ADK: variants seen among roughly 807,000 people sequenced by gnomAD.
The protein encoded by ADK is N6,N6-dimethyladenosine kinase.
Under a neutral mutation model 44.7 loss-of-function variants are expected in ADK, and 24 were observed. That is an observed-to-expected ratio of 0.54 (90% CI 0.39 to 0.76). The LOEUF is 0.76. Among genes scored for constraint, ADK ranks in the 30% least tolerant of loss-of-function variants. ADK has a pLI of 0.00. For synonymous variants in ADK, 128 were observed against 142.6 expected (o/e 0.90, Z 0.73); for missense variants, 321 against 425.1 (o/e 0.76, Z 2.15).
At position 74,628,309 on chromosome 10, in the gene ADK, A is replaced by G. The variant is rs1264580346; in HGVS notation, c.877+27816A>G. ...GTGATCATTTCTCCTCAGATGAGTC[A>G]TGCCAGTCACGATTCTTGGATGTTG... On this transcript the variant is annotated intron_variant, in intron 9 of 10. Transcript: ENST00000539909. Among the ~76,000 whole-genome samples the G allele has an allele frequency of 3.3e-5, 5 of 152,224 alleles. No individual in the cohort carries two copies. The South Asian group carries it at 6.2e-4, about 19-fold the overall frequency.
At chr10:74,621,444 C>A (rs1420486579) in intron 9 of ADK, among the ~76,000 whole-genome samples, 1 of 152,080 alleles carries the variant, frequency 6.6e-6, no homozygotes, top group East Asian at 1.9e-4. Context: ...TGTTTTTATG[C>A]CAATAACATG....
intron 7 of ADK, among the ~76,000 whole-genome samples, chr10:74,556,935 A>C (rs1850272492): frequency 6.6e-6 from 1 of 152,040 alleles, no homozygotes; most frequent in African/African-American, 2.4e-5. Flanking sequence ...GTAGGAACAT[A>C]CCCCTCTTAC....
chr10:74,473,510 G>A (rs1051744355), intron 6 of ADK, among the ~76,000 whole-genome samples: 8 of 152,118 alleles, frequency 5.3e-5, no homozygotes, highest in African/African-American at 1.9e-4. Context: ...ATGTTGCTCT[G>A]TCTTGCCTTC....
chr10:74,514,790 G>A (rs901492206), intron 6 of ADK, among the ~76,000 whole-genome samples: 2 of 151,742 alleles, frequency 1.3e-5, no homozygotes, highest in African/African-American at 4.8e-5. Context: ...GATAATTATT[G>A]TTTTCCTTTT....
At chr10:74,489,526 G>A (rs1847395704) in intron 6 of ADK, among the ~76,000 whole-genome samples, 1 of 151,810 alleles carries the variant, frequency 6.6e-6, no homozygotes, top group Non-Finnish European at 1.5e-5. Flanking sequence ...TGAAATGTTT[G>A]CATTTCAATT....
At chr10:74,398,667 T>C in intron 6 of ADK, 88 bp downstream of exon 6, 1 of 701,494 alleles carries the variant, frequency 1.4e-6, no homozygotes, top group Non-Finnish European at 2.3e-6. Context: ...AATAATTATC[T>C]TTTATTTACC....
intron 6 of ADK, among the ~76,000 whole-genome samples, chr10:74,457,939 C>G (rs189961369): frequency 6.6e-6 from 1 of 151,920 alleles, no homozygotes; most frequent in Non-Finnish European, 1.5e-5. Context: ...ATGGGTACAG[C>G]AAACCACCAT....
chr10:74,372,340 C>T (rs1291433593), intron 4 of ADK: 2 of 748,850 alleles, frequency 2.7e-6, no homozygotes, highest in Non-Finnish European at 4.9e-6. Context: ...AGTGCTGAGC[C>T]TGCCACGGAA....
chr10:74,252,682 C>A (rs1331398119), intron 3 of ADK, among the ~76,000 whole-genome samples: 1 of 152,114 alleles, frequency 6.6e-6, no homozygotes, highest in African/African-American at 2.4e-5. Flanking sequence ...AGTAAGTGTT[C>A]AGATTAGGTT....
chr10:74,514,905 G>A (rs56007370), intron 6 of ADK, among the ~76,000 whole-genome samples: 8,033 of 151,990 alleles, frequency 0.053, 278 homozygotes, highest in Middle Eastern at 0.1. Flanking sequence ...GCTCACTGCA[G>A]CCTCTACCTC....
At chr10:74,458,038 T>A (rs951576204) in intron 6 of ADK, among the ~76,000 whole-genome samples, 2 of 150,504 alleles carry the variant, frequency 1.3e-5, no homozygotes, top group African/African-American at 2.4e-5. Context: ...AATAAAATTT[T>A]AAAAAGAAAA....
intron 3 of ADK, among the ~76,000 whole-genome samples, chr10:74,278,863 C>T (rs1846805784): frequency 6.6e-6 from 1 of 152,096 alleles, no homozygotes; most frequent in Admixed American, 6.5e-5. Flanking sequence ...CATTAGGAGT[C>T]CTTTTGCTTT....
intron 9 of ADK, among the ~76,000 whole-genome samples, chr10:74,618,122 T>TTTTTTTTTTTTTTTTTTTTTTTGAG (rs1852846819): frequency 6.6e-6 from 1 of 152,144 alleles, no homozygotes; most frequent in African/African-American, 2.4e-5. Context: ...TGTTGTTTTT[T>TTTTTTTTTTTTTTTTTTTTTTTGAG]AATTAATTCT....
At chr10:74,237,920 G>A (rs1845033916) in intron 3 of ADK, among the ~76,000 whole-genome samples, 1 of 152,158 alleles carries the variant, frequency 6.6e-6, no homozygotes, top group Admixed American at 6.5e-5. Context: ...CCAACAGGGA[G>A]AAACCCCGTC....
chr10:74,655,825 G>C, intron 9 of ADK: 1 of 519,152 alleles, frequency 1.9e-6, no homozygotes, highest in South Asian at 1.8e-5. Flanking sequence ...GGCAAGGACA[G>C]AGAGGTGGTA....
intron 6 of ADK, among the ~76,000 whole-genome samples, chr10:74,404,867 A>G (rs997397002): frequency 2.0e-5 from 3 of 152,142 alleles, no homozygotes; most frequent in Non-Finnish European, 4.4e-5. Context: ...TGATCAGTTT[A>G]GTTATGATGG....
At chr10:74,616,921 G>A (rs1398221251) in intron 9 of ADK, among the ~76,000 whole-genome samples, 2 of 151,800 alleles carry the variant, frequency 1.3e-5, no homozygotes, top group Admixed American at 1.3e-4. Flanking sequence ...TAAAGGTCTT[G>A]TATATGTATC....
At position 74,382,946 on chromosome 10, in the gene ADK, T is replaced by C. The variant is rs199907183; in HGVS notation, c.274-11195T>C. Reference sequence around the variant, plus strand: ...TTTCCTTACAATTTCAGGATGTTTATTGGATTTTCCCCCCCTCCTCTCACA... The same window carrying C: ...TTTCCTTACAATTTCAGGATGTTTACTGGATTTTCCCCCCCTCCTCTCACA... On this transcript the variant is annotated intron_variant, in intron 4 of 10. Coordinates refer to ENST00000539909, the MANE Select transcript of ADK (RefSeq NM_006721.4). Among the ~76,000 whole-genome samples, 105 of 152,096 alleles carry C rather than the reference T, an allele frequency of 6.9e-4. 2 individuals carry two copies. In the East Asian group the frequency reaches 0.015, roughly 22 times the overall value.
intron 6 of ADK, among the ~76,000 whole-genome samples, chr10:74,494,418 A>G (rs928871141): frequency 1.3e-5 from 2 of 152,098 alleles, no homozygotes; most frequent in African/African-American, 2.4e-5. Context: ...TGTATGTATT[A>G]TTTATTTCTG....
Sources: allele counts gnomAD v4.1 joint callset (sites outside exome capture counted in the v4.1 genomes callset), GRCh38; gene constraint gnomAD v4.1.1; transcripts MANE v1.5; gene names NCBI Gene and HGNC (gene_info 2026-07-23, HGNC 2026-07-21).